The following HPD variants were observed in gnomAD, a reference collection of about 807,000 sequenced individuals.
HPD encodes 4-hydroxyphenylpyruvate dioxygenase.
In HPD, 35 loss-of-function variants were observed where a neutral mutation model predicts 56.9. That is an observed-to-expected ratio of 0.62 (90% confidence interval 0.47 to 0.82). HPD has a LOEUF of 0.82. Among genes scored for constraint, HPD ranks in the 40% least tolerant of loss-of-function variants. The pLI is 0.00. For missense variants in HPD, 442 were observed against 506.8 expected (o/e 0.87, Z 1.23); for synonymous variants, 186 against 200.2 (o/e 0.93, Z 0.60).
intron 12 of HPD, among the ~76,000 whole-genome samples, chr12:121,840,489 G>A (rs560393121): frequency 1.3e-5 from 2 of 152,034 alleles, no homozygotes; most frequent in East Asian, 1.9e-4. Flanking sequence ...TTAGTAAGAC[G>A]GGGTTTCACG....
At position 121,841,915 on chromosome 12, in the gene HPD, C is replaced by A. The variant is rs538049192; in HGVS notation, c.954+1795G>T. On this transcript the variant is annotated intron_variant, in intron 12 of 13. Coordinates refer to ENST00000289004, the MANE Select transcript of HPD (RefSeq NM_002150.3). ...GGCCAGGCTGGTCTTGAACTCCTGA[C>A]CTCATGATCCGCCCACCTCAGCCTC... Among the ~76,000 whole-genome samples, 9 of 152,200 alleles carry A rather than the reference C, an allele frequency of 5.9e-5. No individual in the cohort carries two copies. The South Asian group carries it at 1.7e-3, about 28-fold the overall frequency.
chr12:121,858,924 C>T, upstream of HPD: 2 of 1,416,032 alleles, frequency 1.4e-6, no homozygotes, highest in Non-Finnish European at 2.0e-6. Context: ...TCCTGGCCTA[C>T]CTGGGGGATG....
upstream of HPD, among the ~76,000 whole-genome samples, chr12:121,859,446 G>A (rs564253459): frequency 6.6e-6 from 1 of 152,280 alleles, no homozygotes; most frequent in South Asian, 2.1e-4. Context: ...GACACTCTCA[G>A]TGTTGGTTAT....
chr12:121,846,966 T>C (rs759972126), intron 10 of HPD, 33 bp from the exon 11 acceptor site: 1 of 1,613,312 alleles, frequency 6.2e-7, no homozygotes, highest in African/African-American at 1.3e-5. Context: ...CCACTGTCAT[T>C]TGCCCCATCA....
chr12:121,847,266 C>T (rs756332033), intron 9 of HPD, 52 bp from the exon 10 acceptor site: 1 of 1,556,244 alleles, frequency 6.4e-7, no homozygotes, highest in Non-Finnish European at 8.9e-7. Flanking sequence ...CAGGGACGGC[C>T]TCCATCACCC....
At chr12:121,862,669 G>A (rs138441294), upstream of HPD, among the ~76,000 whole-genome samples, 805 of 126,210 alleles carry the variant, frequency 6.4e-3, 9 homozygotes, top group East Asian at 0.02. Context: ...GTGCAGTGGC[G>A]TGATCTTGGC....
chr12:121,879,493 T>TTCTCTTCTCTTCTCTTCTCTTCTC, the HPD span, among the ~76,000 whole-genome samples: 1 of 151,262 alleles, frequency 6.6e-6, no homozygotes, highest in Non-Finnish European at 1.5e-5. Context: ...TTCTCTTCTC[T>TTCTCTTCTCTTCTCTTCTCTTCTC]TCTCTTCTCT....
the HPD span, among the ~76,000 whole-genome samples, chr12:121,880,176 G>A: frequency 1.3e-3 from 192 of 145,872 alleles, no homozygotes; most frequent in African/African-American, 4.4e-3. Context: ...AAAAAAAAAA[G>A]AAAGGCTGTA....
the HPD span, among the ~76,000 whole-genome samples, chr12:121,872,196 G>A: frequency 2.8e-5 from 4 of 143,142 alleles, no homozygotes; most frequent in African/African-American, 5.1e-5. Flanking sequence ...CCAAGATCAC[G>A]CCACTACACT....
At chr12:121,845,277 G>C (rs1382745032) in intron 11 of HPD, among the ~76,000 whole-genome samples, 4 of 149,008 alleles carry the variant, frequency 2.7e-5, no homozygotes, top group Non-Finnish European at 5.9e-5. Flanking sequence ...ACCACACCTG[G>C]CTAATTTTTT....
the HPD span, among the ~76,000 whole-genome samples, chr12:121,876,188 G>C: frequency 6.6e-6 from 1 of 152,146 alleles, no homozygotes; most frequent in African/African-American, 2.4e-5. Flanking sequence ...GCGGGCGCCT[G>C]TAGTCCCAGC....
intron 12 of HPD, among the ~76,000 whole-genome samples, chr12:121,840,932 G>T (rs143731561): frequency 6.6e-6 from 1 of 151,778 alleles, no homozygotes; most frequent in Non-Finnish European, 1.5e-5. Context: ...GGTGGCTCAC[G>T]CCTGTAATCC....
intron 11 of HPD, among the ~76,000 whole-genome samples, chr12:121,844,214 T>C (rs1359122411): frequency 2.0e-5 from 3 of 151,988 alleles, no homozygotes; most frequent in Non-Finnish European, 4.4e-5. Context: ...CACACTCAGC[T>C]ATGTATTTTT....
upstream of HPD, chr12:121,859,255 G>A: frequency 3.2e-6 from 1 of 310,676 alleles, no homozygotes; most frequent in Non-Finnish European, 6.3e-6. Flanking sequence ...TCACAGCGTT[G>A]TATTCCATAG....
rs533357202 is a variant in HPD, at chr12:121,846,949, AAGG to A, written c.760-19_760-17del. On this transcript the variant is annotated splice_polypyrimidine_tract_variant and intron_variant, in intron 10 of 13. Transcript: ENST00000289004. Reference sequence around the variant, plus strand: ...CCACATATTCCTGGGGGAGGGAAACAAGGAGACCACTGTCATTTGCCCCATCAC... The same window carrying A: ...CCACATATTCCTGGGGGAGGGAAACAAGACCACTGTCATTTGCCCCATCAC... 6.1e-5 allele frequency: 99 copies of A among 1,613,928 alleles called. 1 individual carries two copies. The African/African-American group carries it at 1.3e-3, about 20-fold the overall frequency.
the HPD span, among the ~76,000 whole-genome samples, chr12:121,873,393 G>C: frequency 9.2e-5 from 14 of 152,208 alleles, no homozygotes; most frequent in Admixed American, 2.0e-4. Context: ...CCCAATGGGG[G>C]TGACTCTGAC....
the HPD span, among the ~76,000 whole-genome samples, chr12:121,876,650 G>A: frequency 2.6e-5 from 4 of 152,212 alleles, no homozygotes; most frequent in Admixed American, 1.3e-4. Flanking sequence ...GCTTGCATAC[G>A]TCTCCCACCC....
rs1178028745 is a variant in HPD, at chr12:121,843,629, G to A, written c.954+81C>T. ...GGGACTTGGTCTGGGCTCCCCTCCG[G>A]GCTGAGACAATATTTCTGAAAAGAT... is the stretch of plus-strand genomic sequence containing the variant. On this transcript the variant is annotated intron_variant, in intron 12 of 13. Transcript: ENST00000289004. 53 of 1,552,732 alleles carry A rather than the reference G, an allele frequency of 3.4e-5. No homozygotes were observed. In the Middle Eastern group the frequency reaches 1.0e-3, roughly 31 times the overall value.
At chr12:121,864,579 C>T (rs191714790), upstream of HPD, among the ~76,000 whole-genome samples, 15 of 140,962 alleles carry the variant, frequency 1.1e-4, no homozygotes, top group East Asian at 1.8e-3. Flanking sequence ...AATGGCCGGG[C>T]GCAGTGGCTC....
Sources: gnomAD v4.1 joint callset for allele counts (sites outside exome capture counted in the v4.1 genomes callset) on GRCh38, gnomAD v4.1.1 for gene constraint, MANE v1.5 for transcripts, NCBI Gene and HGNC (gene_info 2026-07-23, HGNC 2026-07-21) for gene names.